The following CSMD1 variants were observed in gnomAD, a reference collection of about 807,000 sequenced individuals.
The protein encoded by CSMD1 is CUB and sushi domain-containing protein 1.
Under a neutral mutation model 417.5 loss-of-function variants are expected in CSMD1, and 213 were observed. The ratio of observed to expected loss-of-function variants is 0.51; its 90% CI spans 0.46 to 0.57. The LOEUF is 0.57. CSMD1 is among the 20% of genes least tolerant of loss of function. The pLI, the probability that CSMD1 is intolerant of heterozygous loss-of-function variation, is 0.00. For missense variants in CSMD1, 6,923 were observed against 4,529.7 expected, an observed-to-expected ratio of 1.53 and a Z score of -15.17; for synonymous variants, 2,862 against 1,736.8, an observed-to-expected ratio of 1.65 and a Z score of -16.11.
intron 33 of CSMD1, 151 bp downstream of exon 33, chr8:3,199,563 A>C: frequency 2.8e-6 from 1 of 359,608 alleles, no homozygotes; most frequent in Non-Finnish European, 4.9e-6. Context: ...TTTATTAAAT[A>C]ATTTTATTAT....
chr8:3,329,111 G>C (rs1033817264), intron 23 of CSMD1, among the ~76,000 whole-genome samples: 7 of 152,080 alleles, frequency 4.6e-5, no homozygotes, highest in African/African-American at 1.7e-4. Flanking sequence ...GCCAGATGTT[G>C]GCATAGAATG....
intron 3 of CSMD1, among the ~76,000 whole-genome samples, chr8:4,209,015 A>C (rs377295711): frequency 3.3e-5 from 5 of 152,282 alleles, no homozygotes; most frequent in African/African-American, 1.2e-4. Flanking sequence ...CGTGAACCAT[A>C]ATGAATCCAA....
chr8:3,828,851 T>G (rs188154761), intron 5 of CSMD1, among the ~76,000 whole-genome samples: 10 of 152,206 alleles, frequency 6.6e-5, no homozygotes, highest in Admixed American at 1.3e-4. Context: ...CACGAGATTT[T>G]GTCTTATCTC....
intron 6 of CSMD1, among the ~76,000 whole-genome samples, chr8:3,720,571 T>C (rs762889194): frequency 1.3e-5 from 2 of 150,750 alleles, no homozygotes; most frequent in Non-Finnish European, 2.9e-5. Flanking sequence ...GGGGTGACAC[T>C]TCACAGTAGG....
intron 41 of CSMD1, among the ~76,000 whole-genome samples, chr8:3,137,652 C>T (rs191386463): frequency 2.0e-5 from 3 of 152,290 alleles, no homozygotes; most frequent in East Asian, 1.9e-4. Flanking sequence ...ATACTTGAAG[C>T]CATCTCTAAA....
chr8:3,220,150 C>CAAAAAA lies in CSMD1; in HGVS notation c.4485-714_4485-709dup, dbSNP rs756296256. 3.3e-4 allele frequency among the ~76,000 whole-genome samples: 38 copies of CAAAAAA among 114,186 alleles called. 1 individual carries two copies. The highest frequency in any genetic ancestry group is 1.2e-3 in the African/African-American group (35 of 28,898). 74.9% of individuals were successfully genotyped at this position (114,186 alleles called of 152,430 possible). ...CCTGAGAGACAGAACAAGACCCTGT[C>CAAAAAA]AAAAAAAAAAAAAGACTCCACTTGC... On this transcript the variant is annotated intron_variant, in intron 28 of 69. Transcript: ENST00000635120.
chr8:3,053,944 T>A (rs1812042788), intron 49 of CSMD1, among the ~76,000 whole-genome samples: 1 of 152,218 alleles, frequency 6.6e-6, no homozygotes, highest in African/African-American at 2.4e-5. Context: ...TAGATTCTAA[T>A]GAGAATATCT....
chr8:3,776,716 T>C (rs903839231), intron 5 of CSMD1, among the ~76,000 whole-genome samples: 19 of 151,388 alleles, frequency 1.3e-4, no homozygotes, highest in Non-Finnish European at 2.2e-4. Context: ...GGAGAGATGA[T>C]AGATACATTA....
intron 1 of CSMD1, among the ~76,000 whole-genome samples, chr8:4,640,063 G>A (rs931698203): frequency 1.3e-5 from 2 of 152,162 alleles, no homozygotes; most frequent in Non-Finnish European, 2.9e-5. Context: ...ACAGAAAAAC[G>A]TCAACTGGAA....
At chr8:4,902,552 C>G (rs1262753152) in intron 1 of CSMD1, among the ~76,000 whole-genome samples, 1 of 152,092 alleles carries the variant, frequency 6.6e-6, no homozygotes, top group African/African-American at 2.4e-5. Flanking sequence ...ACATTCAAGA[C>G]ATTTTCTTCT....
chr8:4,335,519 A>G (rs1441362911), intron 3 of CSMD1, among the ~76,000 whole-genome samples: 1 of 152,124 alleles, frequency 6.6e-6, no homozygotes, highest in Non-Finnish European at 1.5e-5. Context: ...ATCACCTGCC[A>G]TGTAAGAACA....
At chr8:4,044,722 C>A (rs1389773830) in intron 3 of CSMD1, among the ~76,000 whole-genome samples, 3 of 152,056 alleles carry the variant, frequency 2.0e-5, no homozygotes, top group East Asian at 1.9e-4. Context: ...GCATAGCACC[C>A]TGGACACGTA....
At chr8:3,413,827 T>A (rs1812962882) in intron 12 of CSMD1, among the ~76,000 whole-genome samples, 1 of 152,084 alleles carries the variant, frequency 6.6e-6, no homozygotes, top group South Asian at 2.1e-4. Flanking sequence ...AGAGACGATT[T>A]TAACACATTT....
intron 5 of CSMD1, among the ~76,000 whole-genome samples, chr8:3,768,949 G>A (rs1798431152): frequency 6.6e-6 from 1 of 152,218 alleles, no homozygotes; most frequent in Non-Finnish European, 1.5e-5. Flanking sequence ...GTGTTCCGAT[G>A]GAAGGTGAAT....
rs749363293 is a variant in CSMD1, at chr8:3,407,925, C to T, written c.2045G>A (p.Gly682Asp). The change falls in exon 14 of 70, where the codon GGC becomes GAC. Residue 682 changes from glycine to aspartate, a missense_variant. Coordinates refer to ENST00000635120, the MANE Select transcript of CSMD1 (RefSeq NM_033225.6). Reference sequence around the variant, plus strand: ...GGTGTAAGTGATGTTGAACCCTCTGCCAGTAGTGGAATGGTCAGACTGAAA... The same window carrying T: ...GGTGTAAGTGATGTTGAACCCTCTGTCAGTAGTGGAATGGTCAGACTGAAA... ...LEFQSDHSTT[G>D]RGFNITYTTF... 13 of 1,611,942 alleles carry T rather than the reference C, an allele frequency of 8.1e-6. No individual in the cohort carries two copies. Among genetic ancestry groups the T allele is most frequent in the Middle Eastern group, 1.7e-4 (1 of 6,060 alleles).
chr8:4,970,994 G>A (rs377608205), intron 1 of CSMD1, among the ~76,000 whole-genome samples: 2 of 152,120 alleles, frequency 1.3e-5, no homozygotes, highest in African/African-American at 4.8e-5. Flanking sequence ...GTTATTTATG[G>A]TCCTTTGTAG....
intron 1 of CSMD1, among the ~76,000 whole-genome samples, chr8:4,645,550 T>C (rs193183359): frequency 1.3e-5 from 2 of 151,158 alleles, no homozygotes; most frequent in East Asian, 1.9e-4. Flanking sequence ...CTTGAACATA[T>C]TGCCTCATGG....
At chr8:4,385,127 A>C (rs970767079) in intron 3 of CSMD1, among the ~76,000 whole-genome samples, 1 of 150,422 alleles carries the variant, frequency 6.6e-6, no homozygotes, top group African/African-American at 2.5e-5. Context: ...GTGTTTCACC[A>C]TGTTGGCCAG....
intron 5 of CSMD1, among the ~76,000 whole-genome samples, chr8:3,941,504 C>A (rs1307543324): frequency 6.6e-6 from 1 of 152,078 alleles, no homozygotes; most frequent in Non-Finnish European, 1.5e-5. Flanking sequence ...ATAAAAGGAG[C>A]TTTGATTTAA....
Sources: allele counts gnomAD v4.1 joint callset (sites outside exome capture counted in the v4.1 genomes callset), GRCh38; gene constraint gnomAD v4.1.1; transcripts MANE v1.5; gene names NCBI Gene and HGNC (gene_info 2026-07-23, HGNC 2026-07-21).